The following RASGRP3 variants were observed in gnomAD, a reference collection of about 807,000 sequenced individuals.
RASGRP3 encodes the protein ras guanyl-releasing protein 3.
In RASGRP3, 54 loss-of-function variants were observed where a neutral mutation model predicts 82.7. That is an observed-to-expected ratio of 0.65 (90% CI 0.52 to 0.82). The LOEUF (loss-of-function observed/expected upper bound fraction) is 0.82, where lower values mean the gene tolerates loss of function less well. Ranked by LOEUF, RASGRP3 falls within the 40% of genes least tolerant of loss-of-function variation. The probability of loss-of-function intolerance (pLI) is 0.00; values close to 1 mark genes in which losing one functional copy is unlikely to be tolerated. For missense variants in RASGRP3, 861 were observed against 828.9 expected (o/e 1.04, Z -0.48); for synonymous variants, 309 against 300.5 (o/e 1.03, Z -0.29).
intron 17 of RASGRP3, among the ~76,000 whole-genome samples, chr2:33,562,003 C>A (rs1558534049): frequency 6.6e-6 from 1 of 151,964 alleles, no homozygotes; most frequent in African/African-American, 2.4e-5. Context: ...GAAATGCTGA[C>A]TAAATAAAAT....
chr2:33,454,970 G>A (rs926022843), intron 2 of RASGRP3, among the ~76,000 whole-genome samples: 1 of 152,168 alleles, frequency 6.6e-6, no homozygotes, highest in Non-Finnish European at 1.5e-5. Context: ...AAAAGAGAGG[G>A]ATCATGATTG....
intron 1 of RASGRP3, among the ~76,000 whole-genome samples, chr2:33,445,858 T>C (rs1251149100): frequency 3.9e-5 from 6 of 152,178 alleles, no homozygotes; most frequent in Non-Finnish European, 8.8e-5. Flanking sequence ...TGCCAGGTGC[T>C]ATACTAGAGT....
At chr2:33,470,233 G>C (rs4670565) in intron 2 of RASGRP3, among the ~76,000 whole-genome samples, 1 of 151,848 alleles carries the variant, frequency 6.6e-6, no homozygotes, top group South Asian at 2.1e-4. Context: ...AAGTTTTCCA[G>C]TACAGAAAAA....
intron 1 of RASGRP3, among the ~76,000 whole-genome samples, chr2:33,483,416 A>G (rs1354310043): frequency 1.6e-4 from 24 of 152,236 alleles, no homozygotes; most frequent in Non-Finnish European, 4.4e-5. Context: ...ACAGAGAACT[A>G]GTAACATAGG....
At chr2:33,453,069 A>G (rs1415251097) in intron 2 of RASGRP3, among the ~76,000 whole-genome samples, 1 of 152,192 alleles carries the variant, frequency 6.6e-6, no homozygotes, top group East Asian at 1.9e-4. Context: ...GAGGGATGAT[A>G]TCAGTAATAT....
chr2:33,544,128 A>T (rs567846851), intron 13 of RASGRP3, among the ~76,000 whole-genome samples: 2 of 152,300 alleles, frequency 1.3e-5, no homozygotes, highest in East Asian at 3.9e-4. Context: ...AGCCTGGCCA[A>T]CATGGTGAAA....
intron 7 of RASGRP3, 82 bp downstream of exon 7, chr2:33,522,184 G>C: frequency 2.1e-6 from 3 of 1,463,114 alleles, no homozygotes; most frequent in Non-Finnish European, 9.2e-7. Flanking sequence ...ATACTCTGAA[G>C]TGTTGGCAGC....
chr2:33,437,614 G>C (rs1664994634), intron 1 of RASGRP3, among the ~76,000 whole-genome samples: 1 of 152,188 alleles, frequency 6.6e-6, no homozygotes, highest in African/African-American at 2.4e-5. Context: ...AGATAGCAAA[G>C]CTGGAAGCCA....
chr2:33,460,287 C>T (rs1666287554), intron 2 of RASGRP3, among the ~76,000 whole-genome samples: 1 of 152,094 alleles, frequency 6.6e-6, no homozygotes, highest in South Asian at 2.1e-4. Context: ...AATCAATTTA[C>T]AGAGTAATGG....
At chr2:33,534,267 G>GTAAA (rs1178065112) in intron 10 of RASGRP3, 56 bp from the exon 11 acceptor site, 7 of 1,237,752 alleles carry the variant, frequency 5.7e-6, no homozygotes, top group East Asian at 4.9e-5. Context: ...ATTCAGCAAC[G>GTAAA]TAAATAAATA....
At chr2:33,474,098 C>G (rs954413063), upstream of RASGRP3, among the ~76,000 whole-genome samples, 1 of 152,114 alleles carries the variant, frequency 6.6e-6, no homozygotes, top group East Asian at 1.9e-4. Context: ...GCTGTGCAGC[C>G]TGGCCTCTAA....
chr2:33,459,819 C>G (rs1237513902), intron 2 of RASGRP3, among the ~76,000 whole-genome samples: 1 of 152,142 alleles, frequency 6.6e-6, no homozygotes, highest in Non-Finnish European at 1.5e-5. Flanking sequence ...GAGGCCTTAT[C>G]CTCTGGTGTT....
chr2:33,463,979 T>G (rs1000841215), intron 2 of RASGRP3, among the ~76,000 whole-genome samples: 2 of 151,964 alleles, frequency 1.3e-5, no homozygotes, highest in East Asian at 3.9e-4. Context: ...ATACTATGTT[T>G]TTTTACAAAT....
Position 33,539,141 on chromosome 2 carries a change from G to T in RASGRP3, c.1209G>T (p.Glu403Asp), listed in dbSNP as rs765210280. ...TTPNKPVVPL[E>D]WALGVMPKPD... ...CCAACAAGCCTGTGGTACCCCTGGA[G>T]TGGGCATTAGGGGTGATGCCAAAGC... Residue 403 changes from glutamate (E) to aspartate (D), a missense_variant, in exon 12 of 18, where the codon GAG becomes GAT. By Grantham distance (45) the Glu-to-Asp change is conservative (BLOSUM62 2). Transcript: ENST00000403687. 1 of 1,612,118 alleles carries T rather than the reference G, an allele frequency of 6.2e-7. No homozygotes were observed. The highest frequency in any genetic ancestry group is 1.7e-5 in the Admixed American group (1 of 59,762).
At chr2:33,447,622 C>T (rs536216328) in intron 1 of RASGRP3, among the ~76,000 whole-genome samples, 9 of 152,046 alleles carry the variant, frequency 5.9e-5, no homozygotes, top group East Asian at 1.9e-4. Flanking sequence ...TTAGTAGAGA[C>T]GAGGTTTCAC....
intron 13 of RASGRP3, among the ~76,000 whole-genome samples, chr2:33,544,703 C>T (rs777464767): frequency 1.6e-4 from 24 of 152,026 alleles, no homozygotes; most frequent in Non-Finnish European, 2.6e-4. Flanking sequence ...TCTTAAAAAA[C>T]GAAATCTGGA....
At chr2:33,444,354 A>G (rs1232171634) in intron 1 of RASGRP3, among the ~76,000 whole-genome samples, 1 of 152,212 alleles carries the variant, frequency 6.6e-6, no homozygotes, top group Non-Finnish European at 1.5e-5. Context: ...TATCCAAGAT[A>G]ACATTTCAAC....
intron 2 of RASGRP3, among the ~76,000 whole-genome samples, chr2:33,468,030 TTCTTTCTTTCTTTC>T (rs1173802585): frequency 7.8e-6 from 1 of 127,554 alleles, no homozygotes; most frequent in Non-Finnish European, 1.7e-5. Context: ...CTTTCTTTCT[TTCTTTCTTTCTTTC>T]TCTCTTAGTG....
chr2:33,558,616 T>C (rs1450994750), intron 16 of RASGRP3, 56 bp from the exon 17 acceptor site: 13 of 1,444,810 alleles, frequency 9.0e-6, no homozygotes, highest in South Asian at 2.6e-5. Context: ...CTAACCTTGA[T>C]GCTTTGCTGT....
Sources: allele counts gnomAD v4.1 joint callset (sites outside exome capture counted in the v4.1 genomes callset), GRCh38; gene constraint gnomAD v4.1.1; transcripts MANE v1.5; gene names NCBI Gene and HGNC (gene_info 2026-07-23, HGNC 2026-07-21).